Variants in NOXA1 observed in about 807,000 individuals in gnomAD.
NOXA1 encodes the protein NCF2-like protein.
Under a neutral mutation model 64.8 loss-of-function variants are expected in NOXA1, and 56 were observed. The ratio of observed to expected loss-of-function variants is 0.86; its 90% CI spans 0.70 to 1.08. The LOEUF (loss-of-function observed/expected upper bound fraction) is 1.08. NOXA1 is among the 50% of genes least tolerant of loss of function. The pLI, the probability that NOXA1 is intolerant of heterozygous loss-of-function variation, is 0.00. For synonymous variants in NOXA1, 295 were observed against 294.8 expected (o/e 1.00, Z -0.01); for missense variants, 668 against 658.5 (o/e 1.01, Z -0.16).
In NOXA1 at chr9:137,431,788, C is replaced by G. The variant is rs763343363; in HGVS notation, c.804+447C>G. On this transcript the variant is annotated intron_variant, in intron 8 of 13. Coordinates refer to ENST00000683555, the MANE Select transcript of NOXA1 (RefSeq NM_001256067.2). The surrounding 1 kb of genome is among the most constrained non-coding windows in gnomAD (Gnocchi z 5.6). ...CGAGTCCTCCCGGACACCCCGGCAC[C>G]TGGGGAGAGGCGGAGGAAGGCAGGA... Among the ~76,000 whole-genome samples the G allele has an allele frequency of 2.6e-5, 4 of 152,202 alleles. No individual in the cohort carries two copies. The highest frequency in any genetic ancestry group is 5.9e-5 in the Non-Finnish European group (4 of 68,020).
rs1349518185 is a variant in NOXA1 at position 137,431,210 on chromosome 9, C to T, written c.699-26C>T. ...CAGGAGGGCAGTCAGATGGGCAGGG[C>T]CTGAGAGCCTCCCTCCTCTCCCTAG... On this transcript the variant is annotated intron_variant, in intron 7 of 13. Transcript: ENST00000683555. This position sits in a 1 kb window ranked among gnomAD's most constrained non-coding sequence, Gnocchi z 5.6. 5 of 1,607,586 alleles carry T rather than the reference C, an allele frequency of 3.1e-6. No homozygotes were observed. The highest frequency in any genetic ancestry group is 1.7e-5 in the Admixed American group (1 of 59,860).
At chr9:137,426,430 C>G (rs1838849709) in intron 2 of NOXA1, 100 bp downstream of exon 2, 1 of 995,922 alleles carries the variant, frequency 1.0e-6, no homozygotes, top group South Asian at 1.3e-5. Context: ...CCACTCCCTC[C>G]TCTTGCCCAC....
chr9:137,429,813 GGGGT>G, intron 5 of NOXA1, among the ~76,000 whole-genome samples: 1 of 132,454 alleles, frequency 7.5e-6, no homozygotes, highest in African/African-American at 2.8e-5. Context: ...AGGTCCCGGG[GGGGT>G]CCCTGCGTCC....
Position 137,423,420 on chromosome 9 carries a change from C to T in NOXA1, c.-110C>T, listed in dbSNP as rs578156790. 4.8e-5 allele frequency: 32 copies of T among 662,816 alleles called. No homozygotes were observed. In the East Asian group the frequency reaches 1.2e-3, roughly 24 times the overall value. 41.1% of individuals were successfully genotyped at this position (662,816 alleles called of 1,614,324 possible). A position where few individuals can be genotyped will look rare whatever the true frequency, so the allele number is the denominator to read the frequency against. On this transcript the variant is annotated 5_prime_UTR_variant, in exon 1 of 14. Transcript: ENST00000683555. ...CGGGGTTGCACCTGGCGCTTGGCGCCCGCACCTCTGCCCGCCTCGGAGACC... is the reference window on the plus strand; with the variant it reads ...CGGGGTTGCACCTGGCGCTTGGCGCTCGCACCTCTGCCCGCCTCGGAGACC...
Position 137,433,775 on chromosome 9 carries a change from C to T in NOXA1, c.1090C>T (p.His364Tyr). Residue 364 changes from histidine (H) to tyrosine (Y), a missense_variant, in exon 12 of 14, where the codon CAC becomes TAC. His to Tyr is a moderately conservative substitution (Grantham distance 83). Coordinates refer to ENST00000683555, the MANE Select transcript of NOXA1 (RefSeq NM_001256067.2). ...LSYLAPGEDG[H>Y]WVPIPEEESL... Reference sequence around the variant, plus strand: ...TTACCTAGCCCCAGGTGAGGACGGGCACTGGGTCCCCATCCCCGAGGAGGA... The same window carrying T: ...TTACCTAGCCCCAGGTGAGGACGGGTACTGGGTCCCCATCCCCGAGGAGGA... 4 of 1,456,360 alleles carry T rather than the reference C, an allele frequency of 2.7e-6. No homozygotes were observed. The highest frequency in any genetic ancestry group is 3.6e-6 in the Non-Finnish European group (4 of 1,100,490). 90.2% of individuals were successfully genotyped at this position (1,456,360 alleles called of 1,614,324 possible). A position where few individuals can be genotyped will look rare whatever the true frequency, so the allele number is the denominator to read the frequency against.
intron 5 of NOXA1, among the ~76,000 whole-genome samples, chr9:137,430,441 G>A (rs1839063653): frequency 6.6e-6 from 1 of 152,232 alleles, no homozygotes; most frequent in African/African-American, 2.4e-5. Context: ...CCGACTCCTG[G>A]GCCCAGTGCA....
rs1449761378 is a variant in NOXA1 at position 137,431,205 on chromosome 9, C to T, written c.699-31C>T. 6.2e-7 allele frequency: 1 copy of T among 1,608,546 alleles called. No homozygotes were observed. On this transcript the variant is annotated intron_variant, in intron 7 of 13. Coordinates refer to ENST00000683555, the MANE Select transcript of NOXA1 (RefSeq NM_001256067.2). This position sits in a 1 kb window ranked among gnomAD's most constrained non-coding sequence, Gnocchi z 5.6. ...GGGCACAGGAGGGCAGTCAGATGGG[C>T]AGGGCCTGAGAGCCTCCCTCCTCTC...
chr9:137,430,659 G>C (rs1409192301), intron 5 of NOXA1, 125 bp from the exon 6 acceptor site: 7 of 711,354 alleles, frequency 9.8e-6, no homozygotes, highest in Non-Finnish European at 1.6e-5. Flanking sequence ...ACGTGGGCCG[G>C]GCATGGGCAG....
In NOXA1 at chr9:137,423,538, T is replaced by A; in HGVS notation, c.9T>A (p.Ser3=). The change falls in exon 1 of 14, where the codon TCT becomes TCA. Residue 3 remains serine, a synonymous_variant. Transcript: ENST00000683555. The stretch of plus-strand genomic sequence containing the variant: ...CGCCGCCACCGGCCGCCATGGCCTC[T>A]CTGGGGGACCTGGTGCGCGCCTGGC... The part of the protein sequence containing the change: MA[S]LGDLVRAWHL... 7.0e-7 allele frequency: 1 copy of A among 1,421,662 alleles called. No homozygotes were observed. Among genetic ancestry groups the A allele is most frequent in the Non-Finnish European group, 9.2e-7 (1 of 1,085,734 alleles). 88.1% of individuals were successfully genotyped at this position (1,421,662 alleles called of 1,614,324 possible).
rs922308044 is a variant in NOXA1, at chr9:137,434,371, T to C, written c.*11T>C. ...GGAGATCAGCCCTAATGATGCTGTG[T>C]CCATGATGCTTTTAATAAAAACAAC... On this transcript the variant is annotated 3_prime_UTR_variant, in exon 14 of 14. Transcript: ENST00000683555. 1.3e-6 allele frequency: 2 copies of C among 1,559,356 alleles called. No homozygotes were observed. Among genetic ancestry groups the C allele is most frequent in the African/African-American group, 2.7e-5 (2 of 73,230 alleles).
At chr9:137,427,215 G>A (rs888683787) in intron 2 of NOXA1, among the ~76,000 whole-genome samples, 3 of 152,166 alleles carry the variant, frequency 2.0e-5, no homozygotes, top group Admixed American at 1.3e-4. Flanking sequence ...ATTCATGCAC[G>A]CTAGCGACAG....
Position 137,431,228 on chromosome 9 carries a change from C to G in NOXA1, c.699-8C>G. 1 of 1,610,384 alleles carries G rather than the reference C, an allele frequency of 6.2e-7. No homozygotes were observed. ...GGCAGGGCCTGAGAGCCTCCCTCCT[C>G]TCCCTAGGTCCCTAATCATGGACTC... On this transcript the variant is annotated splice_region_variant and splice_polypyrimidine_tract_variant and intron_variant, in intron 7 of 13. Transcript: ENST00000683555. The surrounding 1 kb of genome is among the most constrained non-coding windows in gnomAD (Gnocchi z 5.6).
In NOXA1 at chr9:137,428,021, G is replaced by A. The variant is rs758951356; in HGVS notation, c.261-12G>A. The A allele has an allele frequency of 2.8e-5, 44 of 1,551,786 alleles. No homozygotes were observed. The highest frequency in any genetic ancestry group is 1.9e-4 in the Middle Eastern group (1 of 5,178). ...CGCCCTGTGCTGCTGAGGGGACCCC[G>A]GCTGCCCACAGGTTCCAGGAGGCTC... On this transcript the variant is annotated splice_polypyrimidine_tract_variant and intron_variant, in intron 2 of 13. Coordinates refer to ENST00000683555, the MANE Select transcript of NOXA1 (RefSeq NM_001256067.2).
intron 1 of NOXA1, 102 bp downstream of exon 1, chr9:137,423,808 C>T (rs1425804011): frequency 1.0e-6 from 1 of 996,172 alleles, no homozygotes; most frequent in Non-Finnish European, 1.3e-6. Flanking sequence ...CGCCCTGCCG[C>T]CCCCGACCCA....
At chr9:137,426,768 A>G (rs1838862232) in intron 2 of NOXA1, among the ~76,000 whole-genome samples, 1 of 152,246 alleles carries the variant, frequency 6.6e-6, no homozygotes, top group Non-Finnish European at 1.5e-5. Context: ...TTCTAGAAAA[A>G]ATAAAATTCT....
Position 137,434,363 on chromosome 9 carries a change from A to G in NOXA1, c.*3A>G. 1 of 1,582,658 alleles carries G rather than the reference A, an allele frequency of 6.3e-7. No individual in the cohort carries two copies. The highest frequency in any genetic ancestry group is 8.6e-7 in the Non-Finnish European group (1 of 1,164,016). On this transcript the variant is annotated 3_prime_UTR_variant, in exon 14 of 14. Transcript: ENST00000683555. ...CCCAGCAGGGAGATCAGCCCTAATG[A>G]TGCTGTGTCCATGATGCTTTTAATA...
At position 137,430,848 on chromosome 9, in the gene NOXA1, G is replaced by A; in HGVS notation, c.672+5G>A. On this transcript the variant is annotated splice_donor_5th_base_variant and intron_variant, in intron 6 of 13. Transcript: ENST00000683555. ...GTCCGCCCTCAGCAGCCACAGGTGG[G>A]TTTGCGGCCCCTCAGACCCCTGCCT... is the stretch of plus-strand genomic sequence containing the variant. 1 of 1,581,948 alleles carries A rather than the reference G, an allele frequency of 6.3e-7. No individual in the cohort carries two copies. The highest frequency in any genetic ancestry group is 8.6e-7 in the Non-Finnish European group (1 of 1,166,688).
chr9:137,433,713 C>T (rs1839227583), intron 11 of NOXA1, 37 bp from the exon 12 acceptor site: 2 of 1,475,718 alleles, frequency 1.4e-6, no homozygotes, highest in Non-Finnish European at 9.1e-7. Flanking sequence ...CCTGCAGGCC[C>T]CACCCAGGAG....
chr9:137,433,137 C>T (rs767800914), intron 9 of NOXA1, 63 bp downstream of exon 9: 48 of 1,608,222 alleles, frequency 3.0e-5, no homozygotes, highest in African/African-American at 9.4e-5. Flanking sequence ...GCATGGGTGC[C>T]GGCTGCCCTC....
Sources: gnomAD v4.1 joint callset for allele counts (sites outside exome capture counted in the v4.1 genomes callset) on GRCh38, gnomAD v4.1.1 for gene constraint, Gnocchi (gnomAD v3.1) non-coding constraint, MANE v1.5 for transcripts, NCBI Gene and HGNC (gene_info 2026-07-23, HGNC 2026-07-21) for gene names.